TNNI3K: variants seen among roughly 807,000 people sequenced by gnomAD.
TNNI3K encodes the protein TNNI3 interacting kinase.
In TNNI3K, 140 loss-of-function variants were observed where a neutral mutation model predicts 114.5. The ratio of observed to expected loss-of-function variants is 1.22; its 90% CI spans 1.07 to 1.41. The LOEUF (loss-of-function observed/expected upper bound fraction) is 1.41, where lower values mean the gene tolerates loss of function less well. Among genes scored for constraint, TNNI3K ranks in the 40% most tolerant of loss-of-function variants. TNNI3K has a pLI of 0.00. For synonymous variants in TNNI3K, 347 were observed against 347.5 expected (o/e 1.00, Z 0.02); for missense variants, 1,125 against 1,007.6 (o/e 1.12, Z -1.58).
intron 21 of TNNI3K, 45 bp downstream of exon 21, chr1:74,463,595 A>G: frequency 6.2e-7 from 1 of 1,600,690 alleles, no homozygotes. Context: ...TATGGTCAAA[A>G]TCTGTCACAA....
At chr1:74,313,840 A>G (rs1659133961) in intron 5 of TNNI3K, among the ~76,000 whole-genome samples, 1 of 152,032 alleles carries the variant, frequency 6.6e-6, no homozygotes, top group Non-Finnish European at 1.5e-5. Context: ...TTACTTTATT[A>G]TTATATCATC....
At chr1:74,338,893 G>T (rs2100433821) in intron 7 of TNNI3K, among the ~76,000 whole-genome samples, 1 of 152,210 alleles carries the variant, frequency 6.6e-6, no homozygotes, top group Non-Finnish European at 1.5e-5. Context: ...AAGGAATGCT[G>T]TTCCTTGGAC....
intron 5 of TNNI3K, among the ~76,000 whole-genome samples, chr1:74,313,232 T>G (rs1659099330): frequency 6.6e-6 from 1 of 152,158 alleles, no homozygotes; most frequent in African/African-American, 2.4e-5. Flanking sequence ...CCCTCCTCTT[T>G]GCTCCATAAC....
intron 5 of TNNI3K, among the ~76,000 whole-genome samples, chr1:74,308,874 C>T (rs935798860): frequency 6.6e-5 from 10 of 152,220 alleles, no homozygotes; most frequent in African/African-American, 1.9e-4. Flanking sequence ...CTATAAATAT[C>T]TCTGTGTACA....
At chr1:74,341,131 C>G (rs538411744) in intron 7 of TNNI3K, among the ~76,000 whole-genome samples, 114 of 152,168 alleles carry the variant, frequency 7.5e-4, no homozygotes, top group African/African-American at 2.7e-3. Context: ...GCAGTTGATT[C>G]CATTATTTTA....
At chr1:74,253,410 C>T (rs1299897093) in intron 4 of TNNI3K, among the ~76,000 whole-genome samples, 2 of 152,104 alleles carry the variant, frequency 1.3e-5, no homozygotes, top group Non-Finnish European at 1.5e-5. Flanking sequence ...TGGGTAAGCT[C>T]GGCCATGCAA....
At chr1:74,308,395 A>G (rs1473803741) in intron 5 of TNNI3K, among the ~76,000 whole-genome samples, 1 of 152,134 alleles carries the variant, frequency 6.6e-6, no homozygotes, top group Non-Finnish European at 1.5e-5. Context: ...AAACTAAAAA[A>G]CTTACTCCTG....
At chr1:74,263,324 G>A (rs554876805) in intron 4 of TNNI3K, among the ~76,000 whole-genome samples, 3 of 152,060 alleles carry the variant, frequency 2.0e-5, no homozygotes, top group East Asian at 3.9e-4. Flanking sequence ...TCCTCTTGTA[G>A]CCTGTTTGTA....
chr1:74,251,665 G>A (rs1654934355), intron 4 of TNNI3K, among the ~76,000 whole-genome samples: 1 of 152,058 alleles, frequency 6.6e-6, no homozygotes, highest in Admixed American at 6.5e-5. Flanking sequence ...TTTCAGTTTT[G>A]TGTGTGCACG....
At chr1:74,525,438 T>C (rs1252248254) in intron 23 of TNNI3K, among the ~76,000 whole-genome samples, 1 of 152,170 alleles carries the variant, frequency 6.6e-6, no homozygotes, top group African/African-American at 2.4e-5. Flanking sequence ...GACTGAAAAC[T>C]AGCTCAGTCT....
At chr1:74,346,461 T>G (rs1485812666) in intron 9 of TNNI3K, among the ~76,000 whole-genome samples, 3 of 152,070 alleles carry the variant, frequency 2.0e-5, no homozygotes, top group Non-Finnish European at 4.4e-5. Context: ...GAAAAATGAC[T>G]AATATCCCTG....
At chr1:74,457,426 C>T (rs1029747122) in intron 20 of TNNI3K, among the ~76,000 whole-genome samples, 13 of 152,148 alleles carry the variant, frequency 8.5e-5, no homozygotes, top group Non-Finnish European at 1.9e-4. Context: ...CATGGTCTCT[C>T]TCAGATGCTA....
chr1:74,479,900 C>T (rs1445607240), intron 21 of TNNI3K, among the ~76,000 whole-genome samples: 2 of 152,306 alleles, frequency 1.3e-5, no homozygotes, highest in Admixed American at 1.3e-4. Flanking sequence ...TCAAGGTCAC[C>T]AATGCTATTT....
At chr1:74,370,492 G>GAATT in intron 17 of TNNI3K, 100 bp downstream of exon 17, 1 of 993,892 alleles carries the variant, frequency 1.0e-6, no homozygotes, top group Non-Finnish European at 1.4e-6. Flanking sequence ...GCAGATCAGG[G>GAATT]TACTCTGTGG....
chr1:74,419,343 AACTTAATT>A (rs894049832), intron 17 of TNNI3K, among the ~76,000 whole-genome samples: 2 of 152,118 alleles, frequency 1.3e-5, no homozygotes, highest in African/African-American at 4.8e-5. Flanking sequence ...CATCTCAAAA[AACTTAATT>A]ACTTAATTAC....
At chr1:74,248,081 A>G (rs1654696652) in intron 2 of TNNI3K, among the ~76,000 whole-genome samples, 1 of 152,124 alleles carries the variant, frequency 6.6e-6, no homozygotes, top group Non-Finnish European at 1.5e-5. Flanking sequence ...CCTGGCAAGA[A>G]TTCAAGTGCA....
chr1:74,506,572 G>C (rs1669912310), intron 23 of TNNI3K, among the ~76,000 whole-genome samples: 1 of 152,276 alleles, frequency 6.6e-6, no homozygotes, highest in African/African-American at 2.4e-5. Flanking sequence ...ATTTGAATTG[G>C]ATGCTTGCTA....
At chr1:74,391,349 T>C (rs1663760322) in intron 17 of TNNI3K, among the ~76,000 whole-genome samples, 1 of 151,908 alleles carries the variant, frequency 6.6e-6, no homozygotes, top group African/African-American at 2.4e-5. Flanking sequence ...CAGATGAAAA[T>C]AGATTGGAAT....
At chr1:74,324,257 T>C (rs112847509) in intron 5 of TNNI3K, among the ~76,000 whole-genome samples, 7 of 152,328 alleles carry the variant, frequency 4.6e-5, no homozygotes, top group African/African-American at 1.7e-4. Flanking sequence ...TGTCCAGTAT[T>C]TTCCTACAAG....
Sources: gnomAD v4.1 joint callset for allele counts (sites outside exome capture counted in the v4.1 genomes callset) on GRCh38, gnomAD v4.1.1 for gene constraint, MANE v1.5 for transcripts, NCBI Gene and HGNC (gene_info 2026-07-23, HGNC 2026-07-21) for gene names.